L3MBTL3: variants seen among roughly 807,000 people sequenced by gnomAD.
The protein encoded by L3MBTL3 is lethal(3)malignant brain tumor-like protein 3.
L3MBTL3 carries 27 observed loss-of-function variants against 102.3 expected under a neutral mutation model. The ratio of observed to expected loss-of-function variants is 0.26; its 90% confidence interval spans 0.19 to 0.36. The LOEUF is 0.36. L3MBTL3 is among the 10% of genes least tolerant of loss of function. The pLI is 1.00. For missense variants in L3MBTL3, 798 were observed against 955.3 expected (o/e 0.84, Z 2.17); for synonymous variants, 340 against 320.9 (o/e 1.06, Z -0.64).
At chr6:130,082,199 T>A (rs146815185) in intron 14 of L3MBTL3, among the ~76,000 whole-genome samples, 56 of 152,310 alleles carry the variant, frequency 3.7e-4, no homozygotes, top group African/African-American at 1.3e-3. Context: ...AACTAATAAG[T>A]ATTTTCTGGA....
At chr6:130,023,178 T>C (rs528837931) in intron 2 of L3MBTL3, among the ~76,000 whole-genome samples, 26 of 152,256 alleles carry the variant, frequency 1.7e-4, no homozygotes, top group Non-Finnish European at 3.2e-4. Flanking sequence ...AAAACCAAAA[T>C]TAGCCTACCT....
chr6:130,137,838 A>G (rs1343060677), intron 22 of L3MBTL3: 1 of 152,248 alleles, frequency 6.6e-6, no homozygotes, highest in Non-Finnish European at 1.5e-5. Flanking sequence ...GCGAAGTGTT[A>G]ATAGATCTGC....
At chr6:130,067,273 C>T (rs1326090131) in intron 11 of L3MBTL3, among the ~76,000 whole-genome samples, 1 of 152,092 alleles carries the variant, frequency 6.6e-6, no homozygotes, top group African/African-American at 2.4e-5. Context: ...GCCACCATGC[C>T]TGGCTGATTT....
rs1481270406 is a variant in L3MBTL3 at position 130,086,195 on chromosome 6, A to T, written c.1463A>T (p.Asn488Ile). 9.9e-6 allele frequency: 16 copies of T among 1,613,264 alleles called. No individual in the cohort carries two copies. Among genetic ancestry groups the T allele is most frequent in the Non-Finnish European group, 1.4e-5 (16 of 1,179,788 alleles). ...AAGCTTGAGGTTGTAGACAAAAGGA[A>T]CCCTATGTTTATTAGAGTAGCAACT... is the stretch of plus-strand genomic sequence containing the variant. ...KMKLEVVDKRNPMFIRVATVA... is the reference protein window; with the variant it reads ...KMKLEVVDKRIPMFIRVATVA... The change falls in exon 16 of 23, where the codon AAC becomes ATC. Residue 488 changes from asparagine to isoleucine, a missense_variant. Physicochemically the swap from Asn to Ile is moderately radical, Grantham distance 149 (BLOSUM62 -3). Coordinates refer to ENST00000361794, the MANE Select transcript of L3MBTL3 (RefSeq NM_032438.4).
intron 19 of L3MBTL3, among the ~76,000 whole-genome samples, chr6:130,113,909 A>G (rs143262919): frequency 1.8e-3 from 268 of 152,354 alleles, no homozygotes; most frequent in African/African-American, 6.3e-3. Context: ...AATAAAATCA[A>G]TTTAGAGCCA....
chr6:130,136,774 C>T (rs1787729606), intron 22 of L3MBTL3, among the ~76,000 whole-genome samples: 1 of 152,126 alleles, frequency 6.6e-6, no homozygotes, highest in Non-Finnish European at 1.5e-5. Context: ...CGTGCCACCA[C>T]ACCCGGCTAA....
chr6:130,122,142 T>A (rs1786265400), intron 20 of L3MBTL3, among the ~76,000 whole-genome samples: 1 of 152,152 alleles, frequency 6.6e-6, no homozygotes, highest in Non-Finnish European at 1.5e-5. Flanking sequence ...AAAATGTCAG[T>A]CTGATTATGA....
chr6:130,024,855 T>C (rs1409487611), intron 2 of L3MBTL3, among the ~76,000 whole-genome samples: 1 of 152,108 alleles, frequency 6.6e-6, no homozygotes, highest in Non-Finnish European at 1.5e-5. Context: ...CATGGTACCA[T>C]TAGGAAAGGA....
intron 2 of L3MBTL3, among the ~76,000 whole-genome samples, chr6:130,035,225 A>G (rs1779980987): frequency 6.6e-6 from 1 of 152,256 alleles, no homozygotes; most frequent in African/African-American, 2.4e-5. Flanking sequence ...CCATCAATAT[A>G]TGAGTGGTCT....
In L3MBTL3 at chr6:130,133,454, G is replaced by T; in HGVS notation, c.1969G>T (p.Ala657Ser). ...EMRTSHEARG[A>S]REEPTVQQAQ... The stretch of plus-strand genomic sequence containing the variant: ...TCCCATTTGTTTTCATTGACCAGGT[G>T]CCCGGGAAGAACCCACCGTCCAGCA... Residue 657 changes from alanine (A) to serine (S), a missense_variant and splice_region_variant, in exon 21 of 23, where the codon GCC (alanine) becomes TCC (serine). Physicochemically the swap from Ala to Ser is moderately conservative, Grantham distance 99. Around this residue, in one of 4 missense-constraint regions of L3MBTL3, gnomAD observed 306 missense variants for 314.4 expected, o/e 0.97. Transcript: ENST00000361794. The surrounding 1 kb of genome is among the most constrained non-coding windows in gnomAD (Gnocchi z 4.9). 2 of 1,613,264 alleles carry T rather than the reference G, an allele frequency of 1.2e-6. No individual in the cohort carries two copies. Among genetic ancestry groups the T allele is most frequent in the Non-Finnish European group, 1.7e-6 (2 of 1,179,588 alleles).
intron 7 of L3MBTL3, 60 bp from the exon 8 acceptor site, chr6:130,055,111 A>C: frequency 2.4e-6 from 3 of 1,238,838 alleles, no homozygotes; most frequent in Non-Finnish European, 3.6e-6. Context: ...TAGCTCTCTA[A>C]CTATTCACTG....
intron 16 of L3MBTL3, among the ~76,000 whole-genome samples, chr6:130,089,698 C>G (rs1352195814): frequency 6.6e-6 from 1 of 152,152 alleles, no homozygotes; most frequent in Non-Finnish European, 1.5e-5. Flanking sequence ...GTAAAGTGTT[C>G]CTGTTTCTCC....
intron 20 of L3MBTL3, among the ~76,000 whole-genome samples, chr6:130,130,280 T>A (rs1052365275): frequency 2.6e-5 from 4 of 152,108 alleles, no homozygotes; most frequent in African/African-American, 9.7e-5. Flanking sequence ...GAAAATAAAA[T>A]GGAAGAGTAG....
intron 15 of L3MBTL3, among the ~76,000 whole-genome samples, chr6:130,085,493 G>T (rs957894878): frequency 6.6e-6 from 1 of 152,048 alleles, no homozygotes; most frequent in Non-Finnish European, 1.5e-5. Context: ...CAAATAATAA[G>T]AAAATTTTCT....
intron 19 of L3MBTL3, among the ~76,000 whole-genome samples, chr6:130,113,308 A>G (rs549117788): frequency 7.3e-4 from 111 of 152,194 alleles, no homozygotes; most frequent in Non-Finnish European, 1.3e-3. Flanking sequence ...CAAGTAGTCT[A>G]TAAATCAGGC....
intron 14 of L3MBTL3, among the ~76,000 whole-genome samples, chr6:130,081,229 A>G (rs1192957992): frequency 6.6e-6 from 1 of 152,226 alleles, no homozygotes; most frequent in African/African-American, 2.4e-5. Flanking sequence ...CTCTATTAAT[A>G]TTTTAATGGT....
At chr6:130,035,961 ACT>A (rs1229852061) in intron 2 of L3MBTL3, among the ~76,000 whole-genome samples, 1 of 138,564 alleles carries the variant, frequency 7.2e-6, no homozygotes, top group Non-Finnish European at 1.5e-5. Flanking sequence ...TTGCATTGTG[ACT>A]CTCTTACCTA....
intron 22 of L3MBTL3, chr6:130,137,944 C>T (rs1009105041): frequency 2.6e-5 from 4 of 152,216 alleles, no homozygotes; most frequent in Non-Finnish European, 5.9e-5. Context: ...ATTTCTCATA[C>T]CTGCCGCTTA....
chr6:130,038,768 G>GT (rs1039265671), intron 2 of L3MBTL3, among the ~76,000 whole-genome samples: 1 of 151,948 alleles, frequency 6.6e-6, no homozygotes, highest in African/African-American at 2.4e-5. Context: ...AATCGTTTTA[G>GT]TTTCGTATAA....
Sources: allele counts gnomAD v4.1 joint callset (sites outside exome capture counted in the v4.1 genomes callset), GRCh38; gene constraint gnomAD v4.1.1; regional missense constraint gnomAD v4.1.1; non-coding constraint Gnocchi (gnomAD v3.1); transcripts MANE v1.5; gene names NCBI Gene and HGNC (gene_info 2026-07-23, HGNC 2026-07-21).